The following ZBTB16 variants were observed in gnomAD, a reference collection of about 807,000 sequenced individuals.
ZBTB16 encodes zinc finger and BTB domain containing 16, also known as zinc finger and BTB domain-containing protein 16.
ZBTB16 carries 8 observed loss-of-function variants against 56.8 expected under a neutral mutation model. The ratio of observed to expected loss-of-function variants is 0.14; its 90% CI spans 0.08 to 0.25. ZBTB16 has a LOEUF of 0.25. Ranked by LOEUF, ZBTB16 falls within the 10% of genes least tolerant of loss-of-function variation. The pLI is 1.00. For synonymous variants in ZBTB16, 363 were observed against 368.5 expected (o/e 0.98, Z 0.17); for missense variants, 625 against 903.0 (o/e 0.69, Z 3.95).
At chr11:114,217,138 T>C (rs1299668411) in intron 4 of ZBTB16, among the ~76,000 whole-genome samples, 1 of 152,144 alleles carries the variant, frequency 6.6e-6, no homozygotes. Context: ...CCTGAGTAGC[T>C]CAGCTGAGAT....
intron 3 of ZBTB16, among the ~76,000 whole-genome samples, chr11:114,171,791 T>C (rs942084692): frequency 6.6e-6 from 1 of 152,282 alleles, no homozygotes; most frequent in African/African-American, 2.4e-5. Context: ...ACGGACTATC[T>C]GCTTCCTTCC....
chr11:114,159,366 C>T (rs1309454246), intron 3 of ZBTB16, among the ~76,000 whole-genome samples: 7 of 152,202 alleles, frequency 4.6e-5, no homozygotes, highest in Admixed American at 4.6e-4. Flanking sequence ...CTGCTAGTCA[C>T]TTGCCAATGC....
intron 2 of ZBTB16, among the ~76,000 whole-genome samples, chr11:114,119,354 GTGTGTGTGTGTTTGTGTC>G (rs1941277203): frequency 6.7e-6 from 1 of 149,814 alleles, no homozygotes; most frequent in Admixed American, 6.7e-5. Flanking sequence ...GTGCGCGCGT[GTGTGTGTGTGTTTGTGTC>G]TGTGTGTGTG....
intron 3 of ZBTB16, among the ~76,000 whole-genome samples, chr11:114,174,776 T>A (rs1440550855): frequency 6.6e-6 from 1 of 152,240 alleles, no homozygotes; most frequent in Non-Finnish European, 1.5e-5. Flanking sequence ...GACAATTGGC[T>A]GTAAGCTGTA....
chr11:114,131,389 G>C (rs1020416072), intron 2 of ZBTB16, among the ~76,000 whole-genome samples: 1 of 152,168 alleles, frequency 6.6e-6, no homozygotes, highest in Non-Finnish European at 1.5e-5. Context: ...CTAAATTCTT[G>C]CACATAAAAT....
intron 2 of ZBTB16, among the ~76,000 whole-genome samples, chr11:114,080,845 T>C (rs1257795228): frequency 6.6e-6 from 1 of 152,240 alleles, no homozygotes; most frequent in Non-Finnish European, 1.5e-5. Context: ...AGAGAGGTTG[T>C]CTAAGTGTCC....
At chr11:114,185,194 CAG>C (rs1943333763) in intron 3 of ZBTB16, among the ~76,000 whole-genome samples, 1 of 152,056 alleles carries the variant, frequency 6.6e-6, no homozygotes, top group Non-Finnish European at 1.5e-5. Flanking sequence ...TGGTGACAGA[CAG>C]AGACCCTATC....
rs368652898 is a variant in ZBTB16 at position 114,250,571 on chromosome 11, G to A, written c.*16G>A. The A allele has an allele frequency of 1.4e-5, 22 of 1,613,570 alleles. No individual in the cohort carries two copies. In the South Asian group the frequency reaches 1.6e-4, roughly 12 times the overall value. On this transcript the variant is annotated 3_prime_UTR_variant, in exon 7 of 7. Coordinates refer to ENST00000335953, the MANE Select transcript of ZBTB16 (RefSeq NM_006006.6). The surrounding 1 kb of genome is among the most constrained non-coding windows in gnomAD (Gnocchi z 6.0). The stretch of plus-strand genomic sequence containing the variant: ...CTATGTGTGAAGGGAGGCCCGCGGC[G>A]GTGGAGCCGAGCGGGGAGCCAGGAA...
intron 4 of ZBTB16, chr11:114,210,043 A>G (rs1056632859): frequency 9.5e-6 from 8 of 839,970 alleles, no homozygotes; most frequent in Non-Finnish European, 1.1e-5. Flanking sequence ...AGAGGGTCAA[A>G]AAGCCACTTG....
At chr11:114,077,308 G>A (rs888639081) in intron 2 of ZBTB16, among the ~76,000 whole-genome samples, 1 of 152,016 alleles carries the variant, frequency 6.6e-6, no homozygotes, top group Non-Finnish European at 1.5e-5. Flanking sequence ...TCTCCTCTTG[G>A]TTCTTGATGT....
intron 2 of ZBTB16, among the ~76,000 whole-genome samples, chr11:114,107,472 G>T (rs1263296465): frequency 6.6e-6 from 1 of 152,152 alleles, no homozygotes; most frequent in Non-Finnish European, 1.5e-5. Flanking sequence ...CTGCCAAGGG[G>T]TTCTCTGTGC....
chr11:114,115,120 C>T (rs1205029874), intron 2 of ZBTB16, among the ~76,000 whole-genome samples: 1 of 152,054 alleles, frequency 6.6e-6, no homozygotes, highest in Non-Finnish European at 1.5e-5. Context: ...TTGCTGCAAA[C>T]CTGTATACTT....
rs1409948623 is a variant in ZBTB16 at position 114,254,951 on chromosome 11, C to T, written c.*4396C>T. ...CTGCAGGCCGGTTAGCCAGCAGCTGCGGCCTCCCCGGGCCCTTGGCATCCA... is the reference window on the plus strand; with the variant it reads ...CTGCAGGCCGGTTAGCCAGCAGCTGTGGCCTCCCCGGGCCCTTGGCATCCA... On this transcript the variant is annotated 3_prime_UTR_variant, in exon 7 of 7. Transcript: ENST00000335953. Among the ~76,000 whole-genome samples, 1 of 152,168 alleles carries T rather than the reference C, an allele frequency of 6.6e-6. No homozygotes were observed.
rs11214906 is a variant in ZBTB16, at chr11:114,228,676, A to G, written c.1454-13491A>G. On this transcript the variant is annotated intron_variant, in intron 4 of 6. Coordinates refer to ENST00000335953, the MANE Select transcript of ZBTB16 (RefSeq NM_006006.6). Reference sequence around the variant, plus strand: ...GAGTGAAGCAGTCCCTTTGCAGGGCATCACAGGAGCCCAGCCAAGGGGAAA... The same window carrying G: ...GAGTGAAGCAGTCCCTTTGCAGGGCGTCACAGGAGCCCAGCCAAGGGGAAA... Among the ~76,000 whole-genome samples, 239 of 152,314 alleles carry G rather than the reference A, an allele frequency of 1.6e-3. 2 individuals carry two copies. The highest frequency in any genetic ancestry group is 5.2e-3 in the African/African-American group (218 of 41,572).
Position 114,064,245 on chromosome 11 carries a change from C to G in ZBTB16, c.945C>G (p.Ala315=). The G allele has an allele frequency of 6.2e-7, 1 of 1,613,984 alleles. No individual in the cohort carries two copies. The highest frequency in any genetic ancestry group is 8.5e-7 in the Non-Finnish European group (1 of 1,180,008). ...CACCCCCAGCTGAGGCTGGCCAGGC[C>G]CCCACTGGCCGACCTGAGCACCCAG... ...QVPPPAEAGQ[A]PTGRPEHPAP... is the part of the protein sequence containing the mutation. Residue 315 remains alanine, a synonymous_variant, in exon 2 of 7, where the codon GCC becomes GCG. Coordinates refer to ENST00000335953, the MANE Select transcript of ZBTB16 (RefSeq NM_006006.6). The surrounding 1 kb of genome is among the most constrained non-coding windows in gnomAD (Gnocchi z 4.2).
At chr11:114,183,857 C>A (rs1354873972) in intron 3 of ZBTB16, among the ~76,000 whole-genome samples, 2 of 152,184 alleles carry the variant, frequency 1.3e-5, no homozygotes, top group Non-Finnish European at 2.9e-5. Flanking sequence ...TGGCTGCTAC[C>A]CCTGTGAACA....
intron 4 of ZBTB16, among the ~76,000 whole-genome samples, chr11:114,232,699 T>A (rs552503381): frequency 1.5e-5 from 2 of 133,166 alleles, no homozygotes; most frequent in Admixed American, 7.3e-5. Context: ...GTTGTTGAAG[T>A]TGGTCCGATT....
chr11:114,077,550 C>G (rs1297885367), intron 2 of ZBTB16, among the ~76,000 whole-genome samples: 1 of 151,008 alleles, frequency 6.6e-6, no homozygotes, highest in Non-Finnish European at 1.5e-5. Flanking sequence ...AGTCCGACTC[C>G]TCCTCAGCCT....
intron 4 of ZBTB16, among the ~76,000 whole-genome samples, chr11:114,225,448 A>C (rs1372810618): frequency 6.6e-6 from 1 of 152,196 alleles, no homozygotes; most frequent in Non-Finnish European, 1.5e-5. Flanking sequence ...TTTGGTTCAC[A>C]GTTTTGAAGG....
Sources: allele counts gnomAD v4.1 joint callset (sites outside exome capture counted in the v4.1 genomes callset), GRCh38; gene constraint gnomAD v4.1.1; non-coding constraint Gnocchi (gnomAD v3.1); transcripts MANE v1.5; gene names NCBI Gene and HGNC (gene_info 2026-07-23, HGNC 2026-07-21).